The following RARB variants were observed in gnomAD, a reference collection of about 807,000 sequenced individuals.
RARB encodes the protein retinoic acid receptor beta, also known as HBV-activated protein.
Under a neutral mutation model 51.9 loss-of-function variants are expected in RARB, and 17 were observed. That is an observed-to-expected ratio of 0.33 (90% CI 0.22 to 0.49). RARB has a LOEUF of 0.49. Ranked by LOEUF, RARB falls within the 20% of genes least tolerant of loss-of-function variation. The pLI is 0.99. For missense variants in RARB, 369 were observed against 550.8 expected, an observed-to-expected ratio of 0.67 and a Z score of 3.30; for synonymous variants, 215 against 195.4, an observed-to-expected ratio of 1.10 and a Z score of -0.84.
intron 2 of RARB, among the ~76,000 whole-genome samples, chr3:24,863,921 TC>T (rs923700141): frequency 1.8e-4 from 27 of 152,162 alleles, no homozygotes; most frequent in Non-Finnish European, 2.9e-4. Context: ...CTTCTCCTGT[TC>T]AAGGCCCGCC....
chr3:24,913,020 G>GCTCAGGCT (rs1166293690), intron 2 of RARB, among the ~76,000 whole-genome samples: 1 of 85,950 alleles, frequency 1.2e-5, no homozygotes, highest in Non-Finnish European at 2.4e-5. Flanking sequence ...TCGCTCTGTC[G>GCTCAGGCT]CTCAGGCTGG....
intron 5 of RARB, among the ~76,000 whole-genome samples, chr3:25,237,651 A>C (rs960388836): frequency 6.6e-6 from 1 of 152,148 alleles, no homozygotes; most frequent in African/African-American, 2.4e-5. Flanking sequence ...TAATTTATTA[A>C]GTTAGACACC....
chr3:25,323,634 C>G (rs1383278690), intron 5 of RARB, among the ~76,000 whole-genome samples: 1 of 152,078 alleles, frequency 6.6e-6, no homozygotes, highest in Non-Finnish European at 1.5e-5. Context: ...AAACATTTTC[C>G]ATAACTTAGC....
intron 5 of RARB, among the ~76,000 whole-genome samples, chr3:25,209,736 A>G (rs1341458408): frequency 6.6e-6 from 1 of 152,182 alleles, no homozygotes; most frequent in East Asian, 1.9e-4. Context: ...GAAAATAAAA[A>G]AAAAGACCAA....
chr3:25,067,082 A>G (rs920352753), intron 3 of RARB, among the ~76,000 whole-genome samples: 5 of 152,228 alleles, frequency 3.3e-5, no homozygotes, highest in Non-Finnish European at 5.9e-5. Flanking sequence ...TGGCAGATAT[A>G]GACTGACATA....
At chr3:25,585,481 G>T (rs1027943434) in intron 5 of RARB, among the ~76,000 whole-genome samples, 2 of 152,202 alleles carry the variant, frequency 1.3e-5, no homozygotes, top group African/African-American at 4.8e-5. Context: ...AGACTGTGGT[G>T]GAGAATTCAT....
chr3:25,409,593 G>A (rs193027220), intron 5 of RARB, among the ~76,000 whole-genome samples: 2 of 152,092 alleles, frequency 1.3e-5, no homozygotes, highest in Non-Finnish European at 2.9e-5. Flanking sequence ...TACATTTAAT[G>A]TGGGACTGTG....
At chr3:24,838,343 C>G (rs1407493892) in intron 1 of RARB, among the ~76,000 whole-genome samples, 1 of 152,108 alleles carries the variant, frequency 6.6e-6, no homozygotes, top group African/African-American at 2.4e-5. Flanking sequence ...ATTACATCTG[C>G]AAAATTTCTT....
intron 4 of RARB, among the ~76,000 whole-genome samples, chr3:25,167,213 C>A (rs1366511809): frequency 6.6e-6 from 1 of 152,144 alleles, no homozygotes; most frequent in Non-Finnish European, 1.5e-5. Flanking sequence ...ACTTATTTGA[C>A]CACAGAGCTC....
intron 2 of RARB, among the ~76,000 whole-genome samples, chr3:25,481,001 A>G (rs550398759): frequency 6.6e-6 from 1 of 152,316 alleles, no homozygotes; most frequent in Admixed American, 6.5e-5. Context: ...GTGCTAGCCC[A>G]GGAACCACAT....
intron 2 of RARB, among the ~76,000 whole-genome samples, chr3:25,054,367 T>C (rs1698396473): frequency 6.6e-6 from 1 of 152,096 alleles, no homozygotes; most frequent in South Asian, 2.1e-4. Flanking sequence ...TGCCTCTAAA[T>C]CAGTGTAGGG....
intron 5 of RARB, among the ~76,000 whole-genome samples, chr3:25,188,173 A>G (rs1049681509): frequency 6.6e-6 from 1 of 152,070 alleles, no homozygotes; most frequent in Non-Finnish European, 1.5e-5. Flanking sequence ...AAGCATATTA[A>G]TAGTCTTCAT....
chr3:25,368,949 T>G (rs1015118995), intron 5 of RARB, among the ~76,000 whole-genome samples: 2 of 152,206 alleles, frequency 1.3e-5, no homozygotes, highest in African/African-American at 4.8e-5. Context: ...TATATGCTCT[T>G]TATGAACTCT....
chr3:25,343,743 A>G (rs1705303031), intron 5 of RARB, among the ~76,000 whole-genome samples: 1 of 152,180 alleles, frequency 6.6e-6, no homozygotes. Context: ...TAACCCCAAA[A>G]GGATTCCAGG....
chr3:24,881,572 T>A (rs1203917154), intron 2 of RARB, among the ~76,000 whole-genome samples: 3 of 152,182 alleles, frequency 2.0e-5, no homozygotes, highest in African/African-American at 7.2e-5. Flanking sequence ...TTGAATATTT[T>A]CATAATGAAA....
At chr3:25,295,342 G>A (rs1370851466) in intron 5 of RARB, among the ~76,000 whole-genome samples, 1 of 152,140 alleles carries the variant, frequency 6.6e-6, no homozygotes, top group Admixed American at 6.5e-5. Flanking sequence ...CTATAAAAGA[G>A]GTTTGAGGGA....
intron 2 of RARB, among the ~76,000 whole-genome samples, chr3:24,922,406 G>A (rs1372128165): frequency 6.6e-6 from 1 of 152,194 alleles, no homozygotes; most frequent in African/African-American, 2.4e-5. Flanking sequence ...CAAGCACTTA[G>A]ATTTTTCCAG....
intron 3 of RARB, among the ~76,000 whole-genome samples, chr3:25,101,967 T>C (rs1461195026): frequency 6.6e-6 from 1 of 152,154 alleles, no homozygotes; most frequent in Non-Finnish European, 1.5e-5. Context: ...TCGGAGGACA[T>C]GAAGTTTGAG....
intron 5 of RARB, among the ~76,000 whole-genome samples, chr3:25,333,373 C>T (rs1704963215): frequency 1.3e-5 from 2 of 152,184 alleles, no homozygotes; most frequent in African/African-American, 2.4e-5. Context: ...AATAATACCA[C>T]ACATCTACGA....
Sources: gnomAD v4.1 joint callset for allele counts (sites outside exome capture counted in the v4.1 genomes callset) on GRCh38, gnomAD v4.1.1 for gene constraint, MANE v1.5 for transcripts, NCBI Gene and HGNC (gene_info 2026-07-23, HGNC 2026-07-21) for gene names.